The following LURAP1L variants were observed in gnomAD, a reference collection of about 807,000 sequenced individuals.
LURAP1L encodes leucine rich adaptor protein 1 like, also known as leucine rich adaptor protein 1-like.
Under a neutral mutation model 13.8 loss-of-function variants are expected in LURAP1L, and 12 were observed. The ratio of observed to expected loss-of-function variants is 0.87; its 90% CI spans 0.56 to 1.41. LURAP1L has a LOEUF of 1.41. Among genes scored for constraint, LURAP1L ranks in the 40% most tolerant of loss-of-function variants. The probability of loss-of-function intolerance (pLI) is 0.00; values close to 1 mark genes in which losing one functional copy is unlikely to be tolerated. For synonymous variants in LURAP1L, 139 were observed against 119.2 expected (o/e 1.17, Z -1.08); for missense variants, 375 against 292.9 (o/e 1.28, Z -2.04).
intron 1 of LURAP1L, among the ~76,000 whole-genome samples, chr9:12,814,013 T>C (rs1008303239): frequency 6.6e-6 from 1 of 152,188 alleles, no homozygotes; most frequent in Non-Finnish European, 1.5e-5. Context: ...TGCTGTATAT[T>C]TTATTATTAT....
At chr9:12,818,927 CAT>C (rs1255770850) in intron 1 of LURAP1L, among the ~76,000 whole-genome samples, 1 of 152,154 alleles carries the variant, frequency 6.6e-6, no homozygotes, top group African/African-American at 2.4e-5. Context: ...AAGTTTGACT[CAT>C]ATTGATTTTT....
intron 1 of LURAP1L, among the ~76,000 whole-genome samples, chr9:12,817,250 C>A (rs1367875784): frequency 6.6e-6 from 1 of 152,066 alleles, no homozygotes; most frequent in Non-Finnish European, 1.5e-5. Context: ...ATATTACTGA[C>A]CCACAGCAAA....
At chr9:12,821,043 G>T (rs1819872596) in intron 1 of LURAP1L, among the ~76,000 whole-genome samples, 1 of 152,018 alleles carries the variant, frequency 6.6e-6, no homozygotes, top group Admixed American at 6.6e-5. Flanking sequence ...ATACGCCAAC[G>T]TAAACATTAA....
At chr9:12,793,765 C>T (rs16929557) in intron 1 of LURAP1L, among the ~76,000 whole-genome samples, 1,802 of 152,080 alleles carry the variant, frequency 0.012, 37 homozygotes, top group African/African-American at 0.041. Flanking sequence ...CTTTATTGAA[C>T]GGTAGCTTTA....
chr9:12,818,080 G>GT (rs373214159), intron 1 of LURAP1L, among the ~76,000 whole-genome samples: 89 of 147,972 alleles, frequency 6.0e-4, no homozygotes, highest in African/African-American at 1.8e-3. Context: ...TGCTTGTGTC[G>GT]TTTTTTTCCC....
intron 1 of LURAP1L, among the ~76,000 whole-genome samples, chr9:12,816,983 A>G (rs1481843364): frequency 6.6e-6 from 1 of 152,214 alleles, no homozygotes; most frequent in Non-Finnish European, 1.5e-5. Flanking sequence ...AAGTGTTTAC[A>G]GAACACCCAT....
chr9:12,787,904 G>A (rs1819379823), intron 1 of LURAP1L, among the ~76,000 whole-genome samples: 1 of 151,924 alleles, frequency 6.6e-6, no homozygotes, highest in Admixed American at 6.6e-5. Context: ...TAGAAGTCAG[G>A]AATTCAAGAC....
chr9:12,818,664 T>G (rs1460372342), intron 1 of LURAP1L, among the ~76,000 whole-genome samples: 2 of 151,998 alleles, frequency 1.3e-5, no homozygotes, highest in Non-Finnish European at 2.9e-5. Context: ...ACGAGAGAAG[T>G]ATGACTTGAA....
chr9:12,810,008 T>C (rs1410930984), intron 1 of LURAP1L, among the ~76,000 whole-genome samples: 2 of 152,196 alleles, frequency 1.3e-5, no homozygotes, highest in Non-Finnish European at 2.9e-5. Context: ...CTCAGTCTTT[T>C]AGCGAGCCTG....
rs1563888391 is a variant in LURAP1L, at chr9:12,786,574, AT to A, written c.312+10548del. Among the ~76,000 whole-genome samples the A allele has an allele frequency of 1.2e-4, 16 of 128,790 alleles. 2 individuals carry two copies. Among genetic ancestry groups the A allele is most frequent in the South Asian group, 8.1e-4 (3 of 3,700 alleles). 84.5% of individuals were successfully genotyped at this position (128,790 alleles called of 152,430 possible). On this transcript the variant is annotated intron_variant, in intron 1 of 1. Coordinates refer to ENST00000319264, the MANE Select transcript of LURAP1L (RefSeq NM_203403.2). Reference sequence around the variant, plus strand: ...TATATATATATATATATATATATATATATATATAAACCCTTGTGCCTTAAGT... The same window carrying A: ...TATATATATATATATATATATATATAATATATAAACCCTTGTGCCTTAAGT...
intron 1 of LURAP1L, among the ~76,000 whole-genome samples, chr9:12,818,800 T>C (rs1375933604): frequency 2.6e-5 from 4 of 152,178 alleles, no homozygotes; most frequent in Non-Finnish European, 4.4e-5. Context: ...TGTGAATAAA[T>C]GCAGCCGTGA....
intron 1 of LURAP1L, among the ~76,000 whole-genome samples, chr9:12,811,051 T>C (rs1387407598): frequency 1.3e-5 from 2 of 152,194 alleles, no homozygotes; most frequent in African/African-American, 4.8e-5. Flanking sequence ...AATGTTAACC[T>C]GTGAAAAAGA....
chr9:12,816,441 A>G (rs1174690113), intron 1 of LURAP1L, among the ~76,000 whole-genome samples: 5 of 152,178 alleles, frequency 3.3e-5, no homozygotes, highest in African/African-American at 1.2e-4. Context: ...AAATAGGAAG[A>G]TAGTGGCAGT....
intron 1 of LURAP1L, among the ~76,000 whole-genome samples, chr9:12,819,877 C>T (rs758098392): frequency 4.9e-4 from 75 of 151,854 alleles, no homozygotes; most frequent in Non-Finnish European, 1.8e-4. Flanking sequence ...TAATTTGAAC[C>T]CAGGAGGCGG....
At chr9:12,803,146 C>A (rs1023793797) in intron 1 of LURAP1L, among the ~76,000 whole-genome samples, 1 of 152,162 alleles carries the variant, frequency 6.6e-6, no homozygotes, top group African/African-American at 2.4e-5. Context: ...AGGATAGAAC[C>A]ACTGCACTGG....
intron 1 of LURAP1L, among the ~76,000 whole-genome samples, chr9:12,804,150 C>A (rs1052770730): frequency 6.6e-6 from 1 of 151,928 alleles, no homozygotes; most frequent in Admixed American, 6.6e-5. Flanking sequence ...TAATCAATGA[C>A]AAGAAGTGGA....
chr9:12,807,101 A>G (rs1043552738), intron 1 of LURAP1L, among the ~76,000 whole-genome samples: 2 of 135,582 alleles, frequency 1.5e-5, no homozygotes, highest in Non-Finnish European at 3.1e-5. Flanking sequence ...TAAAATATAT[A>G]TATATATATA....
chr9:12,809,409 C>A (rs1285559197), intron 1 of LURAP1L, among the ~76,000 whole-genome samples: 1 of 152,190 alleles, frequency 6.6e-6, no homozygotes, highest in East Asian at 1.9e-4. Context: ...GTCCAATCTA[C>A]TTATGAGCCC....
chr9:12,782,190 T>C (rs1432969575), intron 1 of LURAP1L, among the ~76,000 whole-genome samples: 1 of 152,254 alleles, frequency 6.6e-6, no homozygotes, highest in Non-Finnish European at 1.5e-5. Flanking sequence ...GCAAATATTT[T>C]CTCCCATTTC....
Sources: gnomAD v4.1 joint callset for allele counts (sites outside exome capture counted in the v4.1 genomes callset) on GRCh38, gnomAD v4.1.1 for gene constraint, MANE v1.5 for transcripts, NCBI Gene and HGNC (gene_info 2026-07-23, HGNC 2026-07-21) for gene names.